The following USP35 variants were observed in gnomAD, a reference collection of about 807,000 sequenced individuals.
USP35 encodes the protein ubiquitin carboxyl-terminal hydrolase 35.
A neutral mutation model predicts 83.8 loss-of-function variants in USP35; 69 were observed. The ratio of observed to expected loss-of-function variants is 0.82; its 90% confidence interval spans 0.68 to 1.01. The LOEUF is 1.01. Ranked by LOEUF, USP35 falls within the 50% of genes least tolerant of loss-of-function variation. The pLI, the probability that USP35 is intolerant of heterozygous loss-of-function variation, is 0.00. For synonymous variants in USP35, 714 were observed against 589.5 expected, an observed-to-expected ratio of 1.21 and a Z score of -3.06; for missense variants, 1,503 against 1,362.5, an observed-to-expected ratio of 1.10 and a Z score of -1.62.
chr11:78,204,091 C>T (rs373916742), intron 6 of USP35, among the ~76,000 whole-genome samples: 39 of 150,778 alleles, frequency 2.6e-4, no homozygotes, highest in African/African-American at 6.3e-4. Flanking sequence ...GGGGTTTCAC[C>T]GTTTTAGCCG....
rs543003912 is a variant in USP35, at chr11:78,207,647, G to T, written c.1485+24G>T. 2.8e-5 allele frequency: 45 copies of T among 1,609,698 alleles called. No homozygotes were observed. In the East Asian group the frequency reaches 4.9e-4, roughly 18 times the overall value. On this transcript the variant is annotated intron_variant, in intron 8 of 10. Transcript: ENST00000529308. ...AGGTGAGTGTAGGGGCAGTCAGAGG[G>T]GGGTGGAGAGGCAGCTCTGGTCAGG... is the stretch of plus-strand genomic sequence containing the variant.
In USP35 at chr11:78,209,891, GGGAGGAAGAAGGGAAGGAGGAGAGAAC is replaced by G. The variant is rs1188192749; in HGVS notation, c.2041_2067del (p.Glu681_Glu689del). The stretch of plus-strand genomic sequence containing the variant: ...AGCAGTCAGGAGGAAAGGATAGAGA[GGGAGGAAGAAGGGAAGGAGGAGAGAAC>G]GGAGAAGGAAGAAGTGGGGGAGGAG... On this transcript the variant is annotated inframe_deletion, in exon 10 of 11. Coordinates refer to ENST00000529308, the MANE Select transcript of USP35 (RefSeq NM_020798.4). 6.2e-7 allele frequency: 1 copy of G among 1,604,204 alleles called. No homozygotes were observed. The highest frequency in any genetic ancestry group is 1.1e-5 in the South Asian group (1 of 90,092).
At chr11:78,220,498 C>A in the USP35 span, 5 of 1,504,780 alleles carry the variant, frequency 3.3e-6, no homozygotes, top group Non-Finnish European at 4.5e-6. Flanking sequence ...ACTAACCCAC[C>A]ACCCAGAAAA....
At chr11:78,221,958 CCAAGCCA>C in the USP35 span, 3 of 699,008 alleles carry the variant, frequency 4.3e-6, no homozygotes, top group Non-Finnish European at 7.7e-6. Flanking sequence ...GCTGAGGAAA[CCAAGCCA>C]CAAGACATCG....
chr11:78,211,163 C>T (rs1174831079), intron 10 of USP35, among the ~76,000 whole-genome samples: 2 of 134,358 alleles, frequency 1.5e-5, no homozygotes, highest in Non-Finnish European at 3.1e-5. Flanking sequence ...TCCATGTATT[C>T]TCATTGTTCA....
the USP35 span, chr11:78,221,532 A>G: frequency 2.2e-6 from 1 of 458,258 alleles, no homozygotes; most frequent in Non-Finnish European, 4.1e-6. Flanking sequence ...GTGCTCAAGA[A>G]GGGTTTGTAG....
the USP35 span, chr11:78,222,315 A>G: frequency 1.5e-6 from 1 of 686,892 alleles, no homozygotes. Flanking sequence ...AGTTTCACAC[A>G]GGGAAACTGA....
rs1338683872 is a variant in USP35, at chr11:78,214,108, T to G, written c.*295T>G. On this transcript the variant is annotated 3_prime_UTR_variant, in exon 11 of 11. Transcript: ENST00000529308. Reference sequence around the variant, plus strand: ...CCCTCCTTCCCTAGCAGGCTCCCCATGCGGGAAGATCTGATGATGTTCAGG... The same window carrying G: ...CCCTCCTTCCCTAGCAGGCTCCCCAGGCGGGAAGATCTGATGATGTTCAGG... 2.5e-5 allele frequency: 8 copies of G among 314,960 alleles called. No homozygotes were observed. The highest frequency in any genetic ancestry group is 8.8e-4 in the Middle Eastern group (1 of 1,138). The allele number at this position is 314,960 out of a possible 1,614,324, so 19.5% of individuals were successfully genotyped here.
the USP35 span, among the ~76,000 whole-genome samples, chr11:78,220,733 T>C: frequency 6.6e-6 from 1 of 152,190 alleles, no homozygotes; most frequent in Non-Finnish European, 1.5e-5. Context: ...GAATCAGGTC[T>C]GTTTTCTGAC....
chr11:78,223,393 G>C, the USP35 span: 4 of 1,503,398 alleles, frequency 2.7e-6, no homozygotes, highest in Non-Finnish European at 3.6e-6. Context: ...AGATGGGACA[G>C]GGGAAAGAAT....
the USP35 span, among the ~76,000 whole-genome samples, chr11:78,228,912 T>C: frequency 6.6e-6 from 1 of 152,208 alleles, no homozygotes; most frequent in Non-Finnish European, 1.5e-5. Flanking sequence ...TTTGCTTTTT[T>C]TGGAATTTCC....
Position 78,209,849 on chromosome 11 carries a change from A to C in USP35, c.1994A>C (p.Lys665Thr), listed in dbSNP as rs776822206. Residue 665 changes from lysine (K) to threonine (T), a missense_variant, in exon 10 of 11, where the codon AAG (lysine) becomes ACG (threonine). Transcript: ENST00000529308. ...CTGTACATCGAAGGCCTGGACTCCA[A>C]GGAAGCTGGTGGGCAGAGCAGTCAG... ...TSLYIEGLDS[K>T]EAGGQSSQEE... 5 of 1,612,762 alleles carry C rather than the reference A, an allele frequency of 3.1e-6. No homozygotes were observed. In the South Asian group the frequency reaches 5.5e-5, roughly 18 times the overall value.
chr11:78,198,185 C>G (rs1159991270), intron 3 of USP35, 117 bp downstream of exon 3: 5 of 1,462,782 alleles, frequency 3.4e-6, no homozygotes, highest in Non-Finnish European at 4.6e-6. Flanking sequence ...GGCCCAGGCC[C>G]TCATGTGTGT....
chr11:78,228,696 C>A, the USP35 span, among the ~76,000 whole-genome samples: 1 of 152,172 alleles, frequency 6.6e-6, no homozygotes, highest in Non-Finnish European at 1.5e-5. Flanking sequence ...CAAACCTTCA[C>A]TGATGCTCCT....
In USP35 at chr11:78,210,131, G is replaced by A. The variant is rs751872376; in HGVS notation, c.2276G>A (p.Arg759His). Residue 759 changes from arginine (R) to histidine (H), a missense_variant, in exon 10 of 11, where the codon CGC (arginine) becomes CAC (histidine). Coordinates refer to ENST00000529308, the MANE Select transcript of USP35 (RefSeq NM_020798.4). ...GERTCGSEGS[R>H]SVLDLVNYFL... is the part of the protein sequence containing the mutation. ...CGGACATGTGGCTCTGAGGGCTCCC[G>A]CTCCGTCCTGGACCTGGTTAACTAC... is the stretch of plus-strand genomic sequence containing the variant. The A allele has an allele frequency of 2.5e-6, 4 of 1,613,384 alleles. No homozygotes were observed. The highest frequency in any genetic ancestry group is 2.2e-5 in the East Asian group (1 of 44,868).
At position 78,196,223 on chromosome 11, in the gene USP35, C is replaced by T. The variant is rs770453475; in HGVS notation, c.-10-13C>T. The T allele has an allele frequency of 2.1e-5, 33 of 1,577,400 alleles. No homozygotes were observed. Among genetic ancestry groups the T allele is most frequent in the African/African-American group, 2.8e-5 (2 of 72,582 alleles). ...GGTTGTCGGGCTGTGACCTCATTCC[C>T]TGTCCTCCGCAGCGCGGGCGCCATG... On this transcript the variant is annotated splice_polypyrimidine_tract_variant and intron_variant, in intron 1 of 10. Transcript: ENST00000529308. This position sits in a 1 kb window ranked among gnomAD's most constrained non-coding sequence, Gnocchi z 4.8.
chr11:78,197,055 G>C, intron 2 of USP35, 137 bp downstream of exon 2: 1 of 1,353,018 alleles, frequency 7.4e-7, no homozygotes. Context: ...TGCTCAGGTG[G>C]AGGGCTGCAG....
chr11:78,223,514 G>A, the USP35 span: 1 of 1,612,688 alleles, frequency 6.2e-7, no homozygotes, highest in Non-Finnish European at 8.5e-7. Flanking sequence ...GGGTAGCCAA[G>A]TGAGTCAAAG....
At position 78,209,523 on chromosome 11, in the gene USP35, G is replaced by T. The variant is rs756401014; in HGVS notation, c.1668G>T (p.Glu556Asp). ...LKQSSSPSPP[E>D]EPPAPSSTSV... ...AGTCCAGCTCGCCCTCTCCGCCCGAGGAGCCCCCGGCCCCAAGTTCAACCT... is the reference window on the plus strand; with the variant it reads ...AGTCCAGCTCGCCCTCTCCGCCCGATGAGCCCCCGGCCCCAAGTTCAACCT... Residue 556 changes from glutamate to aspartate, a missense_variant, in exon 10 of 11, where the codon GAG (glutamate) becomes GAT (aspartate). Transcript: ENST00000529308. The T allele has an allele frequency of 2.5e-6, 4 of 1,614,092 alleles. No individual in the cohort carries two copies. Among genetic ancestry groups the T allele is most frequent in the Admixed American group, 3.3e-5 (2 of 60,018 alleles).
Sources: allele counts gnomAD v4.1 joint callset (sites outside exome capture counted in the v4.1 genomes callset), GRCh38; gene constraint gnomAD v4.1.1; non-coding constraint Gnocchi (gnomAD v3.1); transcripts MANE v1.5; gene names NCBI Gene and HGNC (gene_info 2026-07-23, HGNC 2026-07-21).